The following KIF6 variants were observed in gnomAD, a reference collection of about 807,000 sequenced individuals.
The protein encoded by KIF6 is kinesin-like protein KIF6.
In KIF6, 106 loss-of-function variants were observed where a neutral mutation model predicts 112.7. The observed-to-expected ratio is 0.94, with a 90% CI of 0.80 to 1.11. The LOEUF (loss-of-function observed/expected upper bound fraction) is 1.11, where lower values mean the gene tolerates loss of function less well. Among genes scored for constraint, KIF6 ranks in the 50% least tolerant of loss-of-function variants. The pLI, the probability that KIF6 is intolerant of heterozygous loss-of-function variation, is 0.00. For missense variants in KIF6, 929 were observed against 964.0 expected (o/e 0.96, Z 0.48); for synonymous variants, 339 against 339.9 (o/e 1.00, Z 0.03).
At chr6:39,429,988 C>G (rs73424668) in intron 14 of KIF6, among the ~76,000 whole-genome samples, 73 of 152,284 alleles carry the variant, frequency 4.8e-4, no homozygotes, top group Middle Eastern at 3.4e-3. Context: ...CCATGCCCGG[C>G]AGTCCAGCCA....
chr6:39,497,977 A>C (rs1284431091), intron 13 of KIF6, among the ~76,000 whole-genome samples: 2 of 152,214 alleles, frequency 1.3e-5, no homozygotes, highest in Non-Finnish European at 2.9e-5. Flanking sequence ...AGGATGTCTT[A>C]GAGAAAGGAG....
chr6:39,545,580 T>C lies in KIF6; in HGVS notation c.1287+3A>G. ...CTTCTATTGGGGAAACATTTAAGTT[T>C]ACCTTTAAATGATGAAAACAGTGAT... On this transcript the variant is annotated splice_donor_region_variant and intron_variant, in intron 11 of 22. Coordinates refer to ENST00000287152, the MANE Select transcript of KIF6 (RefSeq NM_145027.6). 1 of 1,605,818 alleles carries C rather than the reference T, an allele frequency of 6.2e-7. No homozygotes were observed. The highest frequency in any genetic ancestry group is 8.5e-7 in the Non-Finnish European group (1 of 1,173,436).
intron 5 of KIF6, among the ~76,000 whole-genome samples, chr6:39,626,017 G>A (rs1784073999): frequency 6.6e-6 from 1 of 152,122 alleles, no homozygotes; most frequent in Admixed American, 6.6e-5. Flanking sequence ...TAATCATTGT[G>A]AGGATGGGAA....
chr6:39,563,510 T>A (rs1271958758), intron 10 of KIF6, among the ~76,000 whole-genome samples: 1 of 152,206 alleles, frequency 6.6e-6, no homozygotes, highest in African/African-American at 2.4e-5. Context: ...AATATATGCA[T>A]ATTATTTATA....
chr6:39,390,455 C>T (rs77059863), intron 15 of KIF6, among the ~76,000 whole-genome samples: 2,335 of 152,192 alleles, frequency 0.015, 54 homozygotes, highest in African/African-American at 0.052. Flanking sequence ...TGTTAAGGTG[C>T]GCTTGGGAAG....
At chr6:39,635,608 G>C (rs1265608450) in intron 4 of KIF6, among the ~76,000 whole-genome samples, 1 of 152,012 alleles carries the variant, frequency 6.6e-6, no homozygotes, top group East Asian at 1.9e-4. Context: ...ATTAGATAGA[G>C]AGAAATGAGA....
chr6:39,449,417 T>G (rs1581881924), intron 13 of KIF6, among the ~76,000 whole-genome samples: 1 of 152,230 alleles, frequency 6.6e-6, no homozygotes. Context: ...TGCTCAACTA[T>G]GGAAGTAGTG....
intron 7 of KIF6, among the ~76,000 whole-genome samples, chr6:39,595,747 A>G (rs7738236): frequency 0.42 from 63,139 of 151,952 alleles, 14,677 homozygotes; most frequent in African/African-American, 0.62. Context: ...GAGGCACCTG[A>G]AATAGGCAAA....
intron 3 of KIF6, among the ~76,000 whole-genome samples, chr6:39,648,952 G>T (rs1464325094): frequency 6.6e-6 from 1 of 150,478 alleles, no homozygotes; most frequent in African/African-American, 2.5e-5. Context: ...TTCAGCCCAG[G>T]AGTTTGAGAC....
intron 14 of KIF6, among the ~76,000 whole-genome samples, chr6:39,422,699 T>C (rs992364595): frequency 2.6e-5 from 4 of 152,152 alleles, no homozygotes; most frequent in Non-Finnish European, 5.9e-5. Context: ...ACCCCATCAG[T>C]GCTGCCACGT....
chr6:39,618,481 G>A (rs376895868), intron 5 of KIF6, among the ~76,000 whole-genome samples: 4 of 152,150 alleles, frequency 2.6e-5, no homozygotes, highest in African/African-American at 4.8e-5. Flanking sequence ...TTCGTTATGC[G>A]CCCTCCCTTT....
At chr6:39,646,036 G>A (rs1785152643) in intron 3 of KIF6, among the ~76,000 whole-genome samples, 1 of 151,774 alleles carries the variant, frequency 6.6e-6, no homozygotes, top group Admixed American at 6.6e-5. Flanking sequence ...GAGTTAATGG[G>A]TGCAGCACAC....
intron 13 of KIF6, among the ~76,000 whole-genome samples, chr6:39,442,931 G>T (rs957997537): frequency 1.2e-4 from 18 of 151,968 alleles, no homozygotes; most frequent in African/African-American, 4.1e-4. Flanking sequence ...GGCTAACACG[G>T]TGAAACCTCG....
chr6:39,526,398 T>G (rs59617761), intron 13 of KIF6, among the ~76,000 whole-genome samples: 6,588 of 152,270 alleles, frequency 0.043, 322 homozygotes, highest in East Asian at 0.27. Context: ...TCCCTTTTCT[T>G]GTGCGTTTAT....
chr6:39,422,565 G>A (rs943270816), intron 14 of KIF6, among the ~76,000 whole-genome samples: 36 of 152,326 alleles, frequency 2.4e-4, no homozygotes, highest in African/African-American at 8.4e-4. Flanking sequence ...CTGATCCCTG[G>A]TTGTCAAGAC....
intron 2 of KIF6, among the ~76,000 whole-genome samples, chr6:39,715,497 C>G (rs1453045189): frequency 3.1e-5 from 4 of 129,300 alleles, no homozygotes; most frequent in African/African-American, 1.1e-4. Flanking sequence ...GTAGAAGACA[C>G]AGAATCTATT....
At chr6:39,413,596 C>A (rs1769654037) in intron 15 of KIF6, among the ~76,000 whole-genome samples, 1 of 152,040 alleles carries the variant, frequency 6.6e-6, no homozygotes, top group Non-Finnish European at 1.5e-5. Context: ...TGGGCAAGGT[C>A]CCTTTCAACG....
chr6:39,365,560 A>G (rs1210954752), intron 16 of KIF6, among the ~76,000 whole-genome samples: 2 of 152,240 alleles, frequency 1.3e-5, no homozygotes, highest in African/African-American at 2.4e-5. Flanking sequence ...GTCATCAGAC[A>G]TGATAAACTG....
chr6:39,691,761 A>T (rs1788225142), intron 3 of KIF6: 1 of 152,228 alleles, frequency 6.6e-6, no homozygotes, highest in Non-Finnish European at 1.5e-5. Flanking sequence ...TCAGTTTAAA[A>T]CATATCACTT....
Sources: gnomAD v4.1 joint callset for allele counts (sites outside exome capture counted in the v4.1 genomes callset) on GRCh38, gnomAD v4.1.1 for gene constraint, MANE v1.5 for transcripts, NCBI Gene and HGNC (gene_info 2026-07-23, HGNC 2026-07-21) for gene names.